SCYL3: variants seen among roughly 807,000 people sequenced by gnomAD.
The protein encoded by SCYL3 is protein-associating with the carboxyl-terminal domain of ezrin.
A neutral mutation model predicts 73.8 loss-of-function variants in SCYL3; 35 were observed. The ratio of observed to expected loss-of-function variants is 0.47; its 90% CI spans 0.36 to 0.63. SCYL3 has a LOEUF of 0.63. Ranked by LOEUF, SCYL3 falls within the 20% of genes least tolerant of loss-of-function variation. The pLI, the probability that SCYL3 is intolerant of heterozygous loss-of-function variation, is 0.00. For synonymous variants in SCYL3, 277 were observed against 295.2 expected, an observed-to-expected ratio of 0.94 and a Z score of 0.63; for missense variants, 712 against 798.9, an observed-to-expected ratio of 0.89 and a Z score of 1.31.
chr1:169,856,017 C>T, intron 11 of SCYL3: 7 of 1,530,236 alleles, frequency 4.6e-6, no homozygotes, highest in Non-Finnish European at 6.3e-6. Flanking sequence ...CTTGATCTAT[C>T]ACATGGTTGG....
At chr1:169,864,743 T>C (rs1406879660) in intron 8 of SCYL3, among the ~76,000 whole-genome samples, 1 of 152,092 alleles carries the variant, frequency 6.6e-6, no homozygotes, top group Non-Finnish European at 1.5e-5. Flanking sequence ...GCAGATCACT[T>C]GAGGTCAGGA....
chr1:169,878,389 A>C (rs1345286515), intron 3 of SCYL3, among the ~76,000 whole-genome samples: 2 of 152,212 alleles, frequency 1.3e-5, no homozygotes, highest in Non-Finnish European at 2.9e-5. Context: ...GACTATAGTA[A>C]ACTAAAATAA....
intron 4 of SCYL3, among the ~76,000 whole-genome samples, chr1:169,874,695 G>A (rs189569979): frequency 2.2e-4 from 34 of 152,316 alleles, no homozygotes; most frequent in Admixed American, 1.0e-3. Flanking sequence ...GGAGGCTAAG[G>A]TGGGCAGATA....
At chr1:169,854,217 T>TA (rs1658888340) in intron 12 of SCYL3, 53 bp downstream of exon 12, 1 of 1,379,564 alleles carries the variant, frequency 7.2e-7, no homozygotes, top group African/African-American at 1.5e-5. Flanking sequence ...AACTAGGACC[T>TA]ATGAGGGAAA....
At chr1:169,856,469 A>G (rs2102134099) in intron 11 of SCYL3, among the ~76,000 whole-genome samples, 1 of 152,328 alleles carries the variant, frequency 6.6e-6, no homozygotes, top group East Asian at 1.9e-4. Context: ...CAGAAAGTTT[A>G]TACTTAAAAA....
Position 169,880,762 on chromosome 1 carries a change from C to CTTT in SCYL3, c.166-1946_166-1944dup, listed in dbSNP as rs369829919. 7.9e-5 allele frequency among the ~76,000 whole-genome samples: 11 copies of CTTT among 138,520 alleles called. No homozygotes were observed. The East Asian group carries it at 8.2e-4, about 10-fold the overall frequency. The allele number at this position is 138,520 out of a possible 152,430, so 90.9% of individuals were successfully genotyped here. ...AATATTACAATAAATATGAAGGCCA[C>CTTT]TTTTTTTTTTTTTTTTTGAGACGGG... On this transcript the variant is annotated intron_variant, in intron 2 of 12. Transcript: ENST00000367771.
Position 169,852,886 on chromosome 1 carries a change from C to T in SCYL3, c.*827G>A. ...AGGGGCTTTGGAAGCAACTGAGTCACTACTCCAAAAGGGTCCTGCTCCAGC... is the reference window on the plus strand; with the variant it reads ...AGGGGCTTTGGAAGCAACTGAGTCATTACTCCAAAAGGGTCCTGCTCCAGC... On this transcript the variant is annotated 3_prime_UTR_variant, in exon 13 of 13. Coordinates refer to ENST00000367771, the MANE Select transcript of SCYL3 (RefSeq NM_020423.7). 6.2e-7 allele frequency: 1 copy of T among 1,614,150 alleles called. No individual in the cohort carries two copies. The highest frequency in any genetic ancestry group is 1.6e-4 in the Middle Eastern group (1 of 6,062).
chr1:169,853,028 C>A lies in SCYL3; in HGVS notation c.*685G>T. The A allele has an allele frequency of 6.3e-7, 1 of 1,581,670 alleles. No homozygotes were observed. The highest frequency in any genetic ancestry group is 8.7e-7 in the Non-Finnish European group (1 of 1,151,396). On this transcript the variant is annotated 3_prime_UTR_variant, in exon 13 of 13. Coordinates refer to ENST00000367771, the MANE Select transcript of SCYL3 (RefSeq NM_020423.7). Reference sequence around the variant, plus strand: ...AGAACTGGGTTTGATGCTTTGTCAACTGAAAATACTTATGTCTGTACATTT... The same window carrying A: ...AGAACTGGGTTTGATGCTTTGTCAAATGAAAATACTTATGTCTGTACATTT...
chr1:169,873,793 T>A, intron 4 of SCYL3, 41 bp from the exon 5 acceptor site: 1 of 1,436,256 alleles, frequency 7.0e-7, no homozygotes, highest in Non-Finnish European at 9.8e-7. Context: ...TTCATACATA[T>A]GTTTGGTGAA....
At chr1:169,890,030 A>G (rs1003395628) in intron 1 of SCYL3, among the ~76,000 whole-genome samples, 2 of 152,216 alleles carry the variant, frequency 1.3e-5, no homozygotes, top group African/African-American at 4.8e-5. Context: ...TCACAGGGTG[A>G]CAACAGGTAA....
At chr1:169,888,425 A>C (rs931764949) in intron 2 of SCYL3, among the ~76,000 whole-genome samples, 1 of 152,274 alleles carries the variant, frequency 6.6e-6, no homozygotes, top group Admixed American at 6.5e-5. Context: ...TCTCACCAGA[A>C]AAATAAAATA....
chr1:169,860,988 C>T (rs1453116853), intron 10 of SCYL3, among the ~76,000 whole-genome samples: 1 of 152,248 alleles, frequency 6.6e-6, no homozygotes, highest in Non-Finnish European at 1.5e-5. Flanking sequence ...ACATGCTCAA[C>T]ATTTACTCTT....
chr1:169,875,614 G>A (rs375968414), intron 4 of SCYL3, among the ~76,000 whole-genome samples: 39 of 152,262 alleles, frequency 2.6e-4, no homozygotes, highest in African/African-American at 8.2e-4. Context: ...ACCCTTAAGA[G>A]CCCAACCAAT....
chr1:169,853,832 C>A, intron 12 of SCYL3, 60 bp from the exon 13 acceptor site: 1 of 1,580,510 alleles, frequency 6.3e-7, no homozygotes, highest in Admixed American at 1.7e-5. Flanking sequence ...AAAAATCATA[C>A]GCAAATTTGA....
intron 10 of SCYL3, among the ~76,000 whole-genome samples, chr1:169,861,010 C>A (rs1263362180): frequency 2.0e-5 from 3 of 152,148 alleles, no homozygotes; most frequent in African/African-American, 7.2e-5. Flanking sequence ...GACCTCAGTC[C>A]AATTCTGAGA....
chr1:169,886,807 A>G (rs952026139), intron 2 of SCYL3, among the ~76,000 whole-genome samples: 1 of 152,236 alleles, frequency 6.6e-6, no homozygotes, highest in African/African-American at 2.4e-5. Flanking sequence ...TTTTGTGGCC[A>G]GAGCTTATAC....
At chr1:169,889,754 TTGA>T (rs757944748) in intron 1 of SCYL3, among the ~76,000 whole-genome samples, 5 of 152,202 alleles carry the variant, frequency 3.3e-5, no homozygotes, top group Non-Finnish European at 4.4e-5. Flanking sequence ...ATTCATTATC[TTGA>T]TGATGATGAT....
intron 11 of SCYL3, among the ~76,000 whole-genome samples, chr1:169,855,482 A>C (rs1335908387): frequency 3.3e-5 from 5 of 152,212 alleles, no homozygotes; most frequent in Admixed American, 2.0e-4. Context: ...CTTTTTCACA[A>C]CACGCCCATT....
At chr1:169,859,344 C>G in intron 10 of SCYL3, 132 bp from the exon 11 acceptor site, 1 of 784,830 alleles carries the variant, frequency 1.3e-6, no homozygotes, top group Non-Finnish European at 1.9e-6. Flanking sequence ...TGTTCCAGGT[C>G]AGTGGCTCTC....
Sources: allele counts gnomAD v4.1 joint callset (sites outside exome capture counted in the v4.1 genomes callset), GRCh38; gene constraint gnomAD v4.1.1; transcripts MANE v1.5; gene names NCBI Gene and HGNC (gene_info 2026-07-23, HGNC 2026-07-21).